The following PTN variants were observed in gnomAD, a reference collection of about 807,000 sequenced individuals.
PTN encodes the protein heparin affin regulatory protein.
Under a neutral mutation model 24.1 loss-of-function variants are expected in PTN, and 18 were observed. The ratio of observed to expected loss-of-function variants is 0.75; its 90% confidence interval spans 0.52 to 1.11. The LOEUF is 1.11. PTN is among the 50% of genes least tolerant of loss of function. PTN has a pLI of 0.00. For missense variants in PTN, 163 were observed against 198.8 expected (o/e 0.82, Z 1.08); for synonymous variants, 78 against 68.6 (o/e 1.14, Z -0.67).
chr7:137,291,689 C>A lies in PTN; in HGVS notation c.-1-36715G>T, dbSNP rs1882067. On this transcript the variant is annotated intron_variant, in intron 1 of 4. Coordinates refer to ENST00000348225, the MANE Select transcript of PTN (RefSeq NM_002825.7). Reference sequence around the variant, plus strand: ...GTACCCAAGTGAGCCTGAGGCAACACTTATGTCCTCTGACGTAAGCGCTGA... The same window carrying A: ...GTACCCAAGTGAGCCTGAGGCAACAATTATGTCCTCTGACGTAAGCGCTGA... Among the ~76,000 whole-genome samples, 1,389 of 152,162 alleles carry A rather than the reference C, an allele frequency of 9.1e-3. 26 individuals are homozygous for A. Among genetic ancestry groups the A allele is most frequent in the African/African-American group, 0.032 (1,321 of 41,522 alleles).
chr7:137,279,029 A>C (rs1461028863), intron 1 of PTN, among the ~76,000 whole-genome samples: 1 of 150,846 alleles, frequency 6.6e-6, no homozygotes, highest in Non-Finnish European at 1.5e-5. Context: ...AAATTTAAAA[A>C]CAAACTGAGA....
chr7:137,343,518 C>T lies in PTN; in HGVS notation c.-81G>A. On this transcript the variant is annotated 5_prime_UTR_variant, in exon 1 of 5. Transcript: ENST00000348225. ...AGGTTGCTACCGCTGAGTCCAGGTACCCGGCTCGCTGCAGCTCCTGCTTGG... is the reference window on the plus strand; with the variant it reads ...AGGTTGCTACCGCTGAGTCCAGGTATCCGGCTCGCTGCAGCTCCTGCTTGG... The T allele has an allele frequency of 1.9e-6, 1 of 518,968 alleles. No homozygotes were observed. Among genetic ancestry groups the T allele is most frequent in the Non-Finnish European group, 3.8e-6 (1 of 259,870 alleles). 32.1% of individuals were successfully genotyped at this position (518,968 alleles called of 1,614,324 possible). A position where few individuals can be genotyped will look rare whatever the true frequency, so the allele number is the denominator to read the frequency against.
intron 1 of PTN, among the ~76,000 whole-genome samples, chr7:137,258,118 T>C (rs762857452): frequency 4.6e-5 from 7 of 152,302 alleles, no homozygotes; most frequent in Non-Finnish European, 1.0e-4. Flanking sequence ...CTTAATCCAG[T>C]TCTATTCACT....
chr7:137,278,892 G>A (rs1809415405), intron 1 of PTN, among the ~76,000 whole-genome samples: 1 of 150,704 alleles, frequency 6.6e-6, no homozygotes, highest in Admixed American at 6.6e-5. Context: ...AGTGAGCCAA[G>A]ATCACACCAT....
intron 1 of PTN, among the ~76,000 whole-genome samples, chr7:137,267,974 A>ATTCAATCCT (rs1381095590): frequency 0.035 from 5,374 of 152,150 alleles, 329 homozygotes; most frequent in African/African-American, 0.12. Flanking sequence ...ATTCAAACCA[A>ATTCAATCCT]GTCAAAACAA....
At chr7:137,228,493 C>T (rs2128866715) in intron 4 of PTN, among the ~76,000 whole-genome samples, 1 of 151,870 alleles carries the variant, frequency 6.6e-6, no homozygotes, top group African/African-American at 2.4e-5. Flanking sequence ...CTGCTTAGCC[C>T]CTCATTTCCC....
intron 1 of PTN, among the ~76,000 whole-genome samples, chr7:137,256,880 C>T (rs1430654589): frequency 1.3e-5 from 2 of 152,140 alleles, no homozygotes; most frequent in African/African-American, 4.8e-5. Context: ...TTTCAAAAGA[C>T]ATTTCTGCAG....
chr7:137,243,838 A>G (rs1808675268), intron 4 of PTN, among the ~76,000 whole-genome samples: 1 of 152,162 alleles, frequency 6.6e-6, no homozygotes, highest in South Asian at 2.1e-4. Flanking sequence ...ACAGACAGTA[A>G]TTGCAGCAGA....
intron 1 of PTN, among the ~76,000 whole-genome samples, chr7:137,296,150 C>T (rs1412047663): frequency 2.0e-5 from 3 of 151,988 alleles, no homozygotes; most frequent in African/African-American, 7.2e-5. Flanking sequence ...AGTATAAGTA[C>T]TAAAAGAATC....
chr7:137,287,022 C>T (rs141194452), intron 1 of PTN, among the ~76,000 whole-genome samples: 2 of 152,148 alleles, frequency 1.3e-5, no homozygotes, highest in African/African-American at 4.8e-5. Context: ...CAGATAAGAA[C>T]TTAACTTGAT....
intron 4 of PTN, among the ~76,000 whole-genome samples, chr7:137,244,803 G>A (rs1307265168): frequency 1.3e-5 from 2 of 152,052 alleles, no homozygotes; most frequent in Admixed American, 6.5e-5. Flanking sequence ...ATAGCAATAG[G>A]AAGGATTGCT....
rs760057615 is a variant in PTN, at chr7:137,251,268, G to A, written c.413C>T (p.Ser138Phe). The A allele has an allele frequency of 3.7e-6, 6 of 1,613,982 alleles. No homozygotes were observed. Among genetic ancestry groups the A allele is most frequent in the African/African-American group, 2.7e-5 (2 of 74,902 alleles). Residue 138 changes from serine (S) to phenylalanine (F), a missense_variant, in exon 4 of 5, where the codon TCC becomes TTC. Coordinates refer to ENST00000348225, the MANE Select transcript of PTN (RefSeq NM_002825.7). ...CTTGGTCAGTTTGCCACAGGGCTTG[G>A]AGATGGTGACAGTCTTCTGGCATTC... ...NAECQKTVTI[S>F]KPCGKLTKPK...
At chr7:137,304,204 C>G (rs1645012294) in intron 1 of PTN, among the ~76,000 whole-genome samples, 1 of 151,960 alleles carries the variant, frequency 6.6e-6, no homozygotes, top group Non-Finnish European at 1.5e-5. Flanking sequence ...TTTTTCTCCT[C>G]CTTCTCTTTG....
At chr7:137,280,724 A>AAAAAAAAAAAAAAAAC (rs1809458036) in intron 1 of PTN, among the ~76,000 whole-genome samples, 1 of 138,080 alleles carries the variant, frequency 7.2e-6, no homozygotes, top group Non-Finnish European at 1.6e-5. Flanking sequence ...AAAAAAAAAA[A>AAAAAAAAAAAAAAAAC]AGCTGAGTGT....
intron 1 of PTN, among the ~76,000 whole-genome samples, chr7:137,271,600 G>A (rs1349373602): frequency 6.6e-6 from 1 of 152,230 alleles, no homozygotes; most frequent in Non-Finnish European, 1.5e-5. Context: ...AGCCAAATGA[G>A]TTCAAAGAAG....
intron 1 of PTN, among the ~76,000 whole-genome samples, chr7:137,302,840 A>C (rs1236601817): frequency 6.6e-6 from 1 of 151,994 alleles, no homozygotes; most frequent in Non-Finnish European, 1.5e-5. Context: ...TAAATAGCTC[A>C]AAATAACTCA....
chr7:137,328,395 T>G (rs1729185772), intron 1 of PTN, among the ~76,000 whole-genome samples: 1 of 152,210 alleles, frequency 6.6e-6, no homozygotes, highest in South Asian at 2.1e-4. Context: ...GGAGAATCCA[T>G]CACCTAACCT....
At chr7:137,265,737 T>A (rs1214916407) in intron 1 of PTN, among the ~76,000 whole-genome samples, 1 of 152,228 alleles carries the variant, frequency 6.6e-6, no homozygotes, top group Non-Finnish European at 1.5e-5. Context: ...TGGCCTGCCA[T>A]GTGCACAAGC....
chr7:137,269,449 G>A (rs1196596772), intron 1 of PTN, among the ~76,000 whole-genome samples: 1 of 151,926 alleles, frequency 6.6e-6, no homozygotes, highest in African/African-American at 2.4e-5. Flanking sequence ...GTCTCATGTT[G>A]CTTCTCTCTA....
Sources: gnomAD v4.1 joint callset for allele counts (sites outside exome capture counted in the v4.1 genomes callset) on GRCh38, gnomAD v4.1.1 for gene constraint, MANE v1.5 for transcripts, NCBI Gene and HGNC (gene_info 2026-07-23, HGNC 2026-07-21) for gene names.